Variants in WDR62 observed in about 807,000 individuals in gnomAD.
WDR62 encodes the protein WD repeat-containing protein 62.
WDR62 carries 112 observed loss-of-function variants against 160.6 expected under a neutral mutation model. The observed-to-expected ratio is 0.70, with a 90% confidence interval of 0.60 to 0.82. WDR62 has a LOEUF of 0.82. Among genes scored for constraint, WDR62 ranks in the 40% least tolerant of loss-of-function variants. The pLI, the probability that WDR62 is intolerant of heterozygous loss-of-function variation, is 0.00. For missense variants in WDR62, 1,819 were observed against 1,983.8 expected (o/e 0.92, Z 1.58); for synonymous variants, 792 against 815.1 (o/e 0.97, Z 0.48).
At chr19:36,083,263 C>T in intron 11 of WDR62, 22 bp downstream of exon 11, 2 of 1,576,206 alleles carry the variant, frequency 1.3e-6, no homozygotes, top group Non-Finnish European at 1.7e-6. Context: ...CTGGCAGTGT[C>T]CAGTGTACAC....
At chr19:36,082,419 C>T (rs190507609) in intron 10 of WDR62, among the ~76,000 whole-genome samples, 2 of 152,176 alleles carry the variant, frequency 1.3e-5, no homozygotes, top group Admixed American at 1.3e-4. Flanking sequence ...TATGAAGGCC[C>T]TGGGGTGGGA....
At chr19:36,103,284 T>C (rs1290989192) in intron 29 of WDR62, 59 bp from the exon 30 acceptor site, 2 of 1,612,020 alleles carry the variant, frequency 1.2e-6, no homozygotes, top group African/African-American at 2.7e-5. Context: ...CTGTGGGGCG[T>C]GGGGGCCCTA....
intron 22 of WDR62, 147 bp downstream of exon 22, chr19:36,099,764 C>A: frequency 1.2e-6 from 1 of 807,884 alleles, no homozygotes; most frequent in Non-Finnish European, 2.0e-6. Context: ...AGGTCTGTTG[C>A]ACAGCAAGAC....
Position 36,086,831 on chromosome 19 carries a change from G to C in WDR62, c.1768+19G>C, listed in dbSNP as rs747473020. The C allele has an allele frequency of 1.2e-6, 2 of 1,605,940 alleles. No individual in the cohort carries two copies. Among genetic ancestry groups the C allele is most frequent in the East Asian group, 2.2e-5 (1 of 44,606 alleles). ...TTCGCTGGTGAGCCCCTTTCTTCCCGCTCCCTGCGCCTTGCTAGCTACCCT... is the reference window on the plus strand; with the variant it reads ...TTCGCTGGTGAGCCCCTTTCTTCCCCCTCCCTGCGCCTTGCTAGCTACCCT... On this transcript the variant is annotated intron_variant, in intron 13 of 31. Coordinates refer to ENST00000401500, the MANE Select transcript of WDR62 (RefSeq NM_001083961.2).
At chr19:36,085,414 C>CTTTTTTTTTTTTTTTTTGTTTTTT (rs1972155696) in intron 12 of WDR62, among the ~76,000 whole-genome samples, 1 of 70,382 alleles carries the variant, frequency 1.4e-5, no homozygotes, top group African/African-American at 4.7e-5. Flanking sequence ...CACACCTGAC[C>CTTTTTTTTTTTTTTTTTGTTTTTT]TTTTTTTTTT....
rs200186710 is a variant in WDR62, at chr19:36,086,830, C to G, written c.1768+18C>G. The G allele has an allele frequency of 6.2e-7, 1 of 1,606,540 alleles. No homozygotes were observed. The highest frequency in any genetic ancestry group is 1.1e-5 in the South Asian group (1 of 89,922). ...GTTCGCTGGTGAGCCCCTTTCTTCCCGCTCCCTGCGCCTTGCTAGCTACCC... is the reference window on the plus strand; with the variant it reads ...GTTCGCTGGTGAGCCCCTTTCTTCCGGCTCCCTGCGCCTTGCTAGCTACCC... On this transcript the variant is annotated intron_variant, in intron 13 of 31. Transcript: ENST00000401500.
rs202181920 is a variant in WDR62 at position 36,078,450 on chromosome 19, GTTCT to G, written c.1234-2975_1234-2972del. Among the ~76,000 whole-genome samples the G allele has an allele frequency of 6.9e-3, 1,052 of 152,076 alleles. 16 individuals carry two copies. Among genetic ancestry groups the G allele is most frequent in the African/African-American group, 0.025 (1,020 of 41,500 alleles). The stretch of plus-strand genomic sequence containing the variant: ...GGCGTGAGCCACTGTGCCTGACGTA[GTTCT>G]TTCTTTCAGTTACATCACTTTGTTT... On this transcript the variant is annotated intron_variant, in intron 9 of 31. Transcript: ENST00000401500.
chr19:36,092,547 T>G, intron 18 of WDR62, 142 bp from the exon 19 acceptor site: 1 of 1,203,920 alleles, frequency 8.3e-7, no homozygotes, highest in Admixed American at 1.7e-5. Context: ...ACCCCTGCAC[T>G]AAGCGGATAG....
rs185286184 is a variant in WDR62, at chr19:36,100,184, C to T, written c.2740-564C>T. On this transcript the variant is annotated intron_variant, in intron 22 of 31. Coordinates refer to ENST00000401500, the MANE Select transcript of WDR62 (RefSeq NM_001083961.2). ...CAGAGGGCTTTTACAGGAATCCATG[C>T]TTAAGTATAGGGCCTGGGCTCTTAG... 3.3e-5 allele frequency among the ~76,000 whole-genome samples: 5 copies of T among 152,322 alleles called. No individual in the cohort carries two copies. The East Asian group carries it at 9.6e-4, about 29-fold the overall frequency.
intron 9 of WDR62, among the ~76,000 whole-genome samples, chr19:36,080,316 G>A (rs912720330): frequency 6.0e-5 from 9 of 150,746 alleles, no homozygotes; most frequent in African/African-American, 1.7e-4. Flanking sequence ...GGGTTTCACC[G>A]TGTTAGTCAA....
At chr19:36,067,723 T>G in intron 6 of WDR62, 105 bp from the exon 7 acceptor site, 1 of 1,336,206 alleles carries the variant, frequency 7.5e-7, no homozygotes, top group Non-Finnish European at 1.1e-6. Flanking sequence ...CTTCTCCATT[T>G]GGAAGAGCTT....
chr19:36,055,550 T>TA (rs1195107032), intron 1 of WDR62, among the ~76,000 whole-genome samples: 1 of 152,196 alleles, frequency 6.6e-6, no homozygotes, highest in Non-Finnish European at 1.5e-5. Context: ...TCCAGAGTGT[T>TA]ACCTGCCCCA....
intron 5 of WDR62, 54 bp from the exon 6 acceptor site, chr19:36,067,250 CAA>C: frequency 6.2e-7 from 1 of 1,612,840 alleles, no homozygotes; most frequent in Non-Finnish European, 8.5e-7. Context: ...GGCAAAGGCA[CAA>C]ACAGTCCAGT....
chr19:36,087,062 C>T (rs1418092936), intron 13 of WDR62, among the ~76,000 whole-genome samples: 1 of 151,702 alleles, frequency 6.6e-6, no homozygotes, highest in Non-Finnish European at 1.5e-5. Flanking sequence ...GGTGAAACCC[C>T]GTCTCTACTA....
chr19:36,092,727 A>G lies in WDR62; in HGVS notation c.2249A>G (p.Asn750Ser), dbSNP rs2145795568. ...TGGCACCTGGGCCCGGAGATCACCA[A>G]CTGCATGAAGCAGCACTTGCTGGAG... is the stretch of plus-strand genomic sequence containing the variant. ...FIWHLGPEIT[N>S]CMKQHLLEID... Residue 750 changes from asparagine to serine, a missense_variant, in exon 19 of 32, where the codon AAC becomes AGC. Asn to Ser is a conservative substitution (Grantham distance 46). This residue lies in a region of WDR62 where 934 missense variants were observed against 1,157.2 expected (regional missense o/e 0.81). Transcript: ENST00000401500. The G allele has an allele frequency of 6.2e-7, 1 of 1,614,180 alleles. No homozygotes were observed. The highest frequency in any genetic ancestry group is 1.7e-5 in the Admixed American group (1 of 60,022).
At chr19:36,060,438 G>A (rs188394410) in intron 3 of WDR62, 148 of 210,764 alleles carry the variant, frequency 7.0e-4, no homozygotes, top group South Asian at 6.1e-3. Flanking sequence ...TAGGGAGAGC[G>A]CTTCAGGCAG....
At chr19:36,087,692 A>G (rs1289096536) in intron 13 of WDR62, among the ~76,000 whole-genome samples, 1 of 146,472 alleles carries the variant, frequency 6.8e-6, no homozygotes, top group Non-Finnish European at 1.5e-5. Flanking sequence ...GGTGGTGCAC[A>G]CCTGTAATCC....
rs545396499 is a variant in WDR62, at chr19:36,104,822, G to C, written c.4366G>C (p.Val1456Leu). The change falls in exon 32 of 32, where the codon GTC becomes CTC. Residue 1456 changes from valine to leucine, a missense_variant. Physicochemically the swap from Val to Leu is conservative, Grantham distance 32 (BLOSUM62 1). Transcript: ENST00000401500. ...GCAGCAGCAGGCACGGACTGAGCTG[G>C]TCTCCACCTTCCTGTGGATCCACAG... ...TGQQQARTEL[V>L]STFLWIHSQL... 1.4e-5 allele frequency: 23 copies of C among 1,613,588 alleles called. No homozygotes were observed. The South Asian group carries it at 1.6e-4, about 12-fold the overall frequency.
intron 7 of WDR62, chr19:36,070,286 G>C (rs1021156428): frequency 6.6e-6 from 1 of 151,110 alleles, no homozygotes; most frequent in Non-Finnish European, 1.5e-5. Flanking sequence ...AGCCTCCCAA[G>C]TAGCTGGGAT....
Sources: gnomAD v4.1 joint callset for allele counts (sites outside exome capture counted in the v4.1 genomes callset) on GRCh38, gnomAD v4.1.1 for gene constraint, gnomAD v4.1.1 regional missense constraint, MANE v1.5 for transcripts, NCBI Gene and HGNC (gene_info 2026-07-23, HGNC 2026-07-21) for gene names.